The following GUCY1A2 variants were observed in gnomAD, a reference collection of about 807,000 sequenced individuals.
GUCY1A2 encodes guanylate cyclase 1 soluble subunit alpha 2.
A neutral mutation model predicts 63.5 loss-of-function variants in GUCY1A2; 27 were observed. That is an observed-to-expected ratio of 0.43 (90% CI 0.31 to 0.59). The LOEUF is 0.59. GUCY1A2 is among the 20% of genes least tolerant of loss of function. The pLI is 0.11. For missense variants in GUCY1A2, 768 were observed against 913.3 expected (o/e 0.84, Z 2.05); for synonymous variants, 364 against 343.5 (o/e 1.06, Z -0.66).
chr11:106,746,415 C>T (rs1055375554), intron 6 of GUCY1A2: 8 of 480,314 alleles, frequency 1.7e-5, no homozygotes, highest in Middle Eastern at 3.8e-4. Context: ...AACAAACTAC[C>T]AGTACTACTA....
intron 4 of GUCY1A2, among the ~76,000 whole-genome samples, chr11:106,820,193 C>T (rs1166421639): frequency 6.6e-6 from 1 of 151,978 alleles, no homozygotes; most frequent in African/African-American, 2.4e-5. Flanking sequence ...ACCAACTTTC[C>T]CCCATAGGGC....
intron 4 of GUCY1A2, among the ~76,000 whole-genome samples, chr11:106,856,095 T>G (rs2135453943): frequency 7.3e-6 from 1 of 137,164 alleles, no homozygotes; most frequent in Non-Finnish European, 1.6e-5. Context: ...CTGGCTAAAT[T>G]TTTTTTTGTA....
intron 6 of GUCY1A2, among the ~76,000 whole-genome samples, chr11:106,774,668 T>C (rs1317151610): frequency 6.6e-6 from 1 of 152,192 alleles, no homozygotes; most frequent in Non-Finnish European, 1.5e-5. Context: ...GAATATATAT[T>C]ACATCTTTCC....
intron 4 of GUCY1A2, among the ~76,000 whole-genome samples, chr11:106,874,718 C>G (rs1225400026): frequency 6.6e-6 from 1 of 152,054 alleles, no homozygotes; most frequent in East Asian, 1.9e-4. Context: ...GAACTACTCT[C>G]TCTGCCTCTT....
At chr11:106,935,650 G>A (rs1860665825) in intron 4 of GUCY1A2, among the ~76,000 whole-genome samples, 2 of 152,028 alleles carry the variant, frequency 1.3e-5, no homozygotes, top group African/African-American at 2.4e-5. Flanking sequence ...GACGAGACCA[G>A]TCTGGCCTCA....
chr11:106,894,896 T>G (rs956485641), intron 4 of GUCY1A2, among the ~76,000 whole-genome samples: 1 of 151,686 alleles, frequency 6.6e-6, no homozygotes, highest in Non-Finnish European at 1.5e-5. Flanking sequence ...AGAAAAGAAA[T>G]AAAGTCAGAA....
At chr11:106,952,991 T>C (rs1057013575) in intron 3 of GUCY1A2, among the ~76,000 whole-genome samples, 2 of 152,166 alleles carry the variant, frequency 1.3e-5, no homozygotes, top group Admixed American at 6.5e-5. Context: ...ACAACTTGAC[T>C]TCCTCTCTTC....
intron 4 of GUCY1A2, among the ~76,000 whole-genome samples, chr11:106,823,605 G>A (rs949595314): frequency 6.6e-6 from 1 of 152,092 alleles, no homozygotes; most frequent in Non-Finnish European, 1.5e-5. Context: ...TGGGATTGCT[G>A]GGTCAAACAG....
At position 106,678,950 on chromosome 11, in the gene GUCY1A2, G is replaced by C. The variant is rs1327363996; in HGVS notation, c.*8599C>G. On this transcript the variant is annotated 3_prime_UTR_variant, in exon 8 of 8. Coordinates refer to ENST00000526355, the MANE Select transcript of GUCY1A2 (RefSeq NM_000855.3). ...ACTTAAATGTAATTCACAATTAAGT[G>C]TTATCATCAGAGGATAAAACTCTAA... 5.3e-6 allele frequency: 1 copy of C among 188,980 alleles called. No homozygotes were observed. The highest frequency in any genetic ancestry group is 6.2e-5 in the Admixed American group (1 of 16,182). The allele number at this position is 188,980 out of a possible 1,614,324, so 11.7% of individuals were successfully genotyped here.
chr11:106,807,788 G>A (rs956471381), intron 5 of GUCY1A2, among the ~76,000 whole-genome samples: 1 of 152,178 alleles, frequency 6.6e-6, no homozygotes, highest in Non-Finnish European at 1.5e-5. Context: ...AGCAGGCAGA[G>A]GAATGTAGAA....
At chr11:106,926,801 T>C (rs1199673190) in intron 4 of GUCY1A2, among the ~76,000 whole-genome samples, 1 of 151,786 alleles carries the variant, frequency 6.6e-6, no homozygotes. Flanking sequence ...TCAAACCATA[T>C]ATAAAGTTTC....
chr11:106,971,509 T>C (rs757488931), intron 3 of GUCY1A2, among the ~76,000 whole-genome samples: 17 of 152,196 alleles, frequency 1.1e-4, no homozygotes, highest in Non-Finnish European at 1.8e-4. Flanking sequence ...TACACTGGAA[T>C]TGAAGAATTC....
rs1474277534 is a variant in GUCY1A2, at chr11:107,018,108, CGGCGGAGGCGGCGGT to C, written c.-68_-54del. The stretch of plus-strand genomic sequence containing the variant: ...GCGGTGGCGGCGAGGACGCGAGCGG[CGGCGGAGGCGGCGGT>C]GGCGGGACCGGCAAGCGACAACGTT... On this transcript the variant is annotated 5_prime_UTR_variant, in exon 1 of 8. Coordinates refer to ENST00000526355, the MANE Select transcript of GUCY1A2 (RefSeq NM_000855.3). The C allele has an allele frequency of 1.7e-6, 2 of 1,198,698 alleles. No individual in the cohort carries two copies. Among genetic ancestry groups the C allele is most frequent in the Non-Finnish European group, 2.2e-6 (2 of 911,168 alleles). 74.3% of individuals were successfully genotyped at this position (1,198,698 alleles called of 1,614,324 possible).
At chr11:106,798,943 G>A (rs973583416) in intron 5 of GUCY1A2, among the ~76,000 whole-genome samples, 1 of 152,056 alleles carries the variant, frequency 6.6e-6, no homozygotes, top group African/African-American at 2.4e-5. Flanking sequence ...AGAAATAAAG[G>A]GTATTCAATT....
Position 106,949,041 on chromosome 11 carries a change from G to A in GUCY1A2, c.488-8863C>T, listed in dbSNP as rs185888658. ...TATGATATAAAGCTAAGCTAAAACT[G>A]TCAAAATAATTTAGAATATGATTTT... On this transcript the variant is annotated intron_variant, in intron 3 of 7. Transcript: ENST00000526355. 1.3e-3 allele frequency among the ~76,000 whole-genome samples: 204 copies of A among 152,202 alleles called. 1 individual carries two copies. Among genetic ancestry groups the A allele is most frequent in the African/African-American group, 4.8e-3 (198 of 41,550 alleles).
chr11:106,827,427 A>G (rs1858986777), intron 4 of GUCY1A2: 17 of 1,466,982 alleles, frequency 1.2e-5, no homozygotes, highest in Non-Finnish European at 1.6e-5. Flanking sequence ...GTGCGATACC[A>G]CCGTTCCCTA....
chr11:106,762,129 A>C (rs1415725734), intron 6 of GUCY1A2, among the ~76,000 whole-genome samples: 1 of 152,150 alleles, frequency 6.6e-6, no homozygotes, highest in Non-Finnish European at 1.5e-5. Flanking sequence ...CAAAAGGACA[A>C]GATTATGAAT....
chr11:106,825,812 T>A (rs1458211382), intron 4 of GUCY1A2, among the ~76,000 whole-genome samples: 1 of 152,172 alleles, frequency 6.6e-6, no homozygotes. Flanking sequence ...TTTACAAATT[T>A]GTGTTGGGCT....
chr11:106,953,136 G>A (rs1294324491), intron 3 of GUCY1A2, among the ~76,000 whole-genome samples: 1 of 152,116 alleles, frequency 6.6e-6, no homozygotes, highest in East Asian at 1.9e-4. Flanking sequence ...TCTAGCTTTT[G>A]CCCATTCCAT....
Sources: gnomAD v4.1 joint callset for allele counts (sites outside exome capture counted in the v4.1 genomes callset) on GRCh38, gnomAD v4.1.1 for gene constraint, MANE v1.5 for transcripts, NCBI Gene and HGNC (gene_info 2026-07-23, HGNC 2026-07-21) for gene names.